PDGFRL: variants seen among roughly 807,000 people sequenced by gnomAD.
PDGFRL encodes platelet derived growth factor receptor like.
In PDGFRL, 46 loss-of-function variants were observed where a neutral mutation model predicts 37.2. The observed-to-expected ratio is 1.24, with a 90% CI of 0.98 to 1.58. PDGFRL has a LOEUF of 1.58. Ranked by LOEUF, PDGFRL falls within the 40% of genes most tolerant of loss-of-function variation. PDGFRL has a pLI of 0.00. For missense variants in PDGFRL, 692 were observed against 467.6 expected (o/e 1.48, Z -4.43); for synonymous variants, 251 against 184.3 (o/e 1.36, Z -2.93).
chr8:17,625,749 G>A (rs1274657562), intron 3 of PDGFRL, among the ~76,000 whole-genome samples: 1 of 152,188 alleles, frequency 6.6e-6, no homozygotes, highest in African/African-American at 2.4e-5. Context: ...AGCACTTTGG[G>A]AGGCCAAGGC....
intron 1 of PDGFRL, among the ~76,000 whole-genome samples, chr8:17,583,852 C>T (rs756189555): frequency 2.6e-5 from 4 of 152,184 alleles, no homozygotes; most frequent in South Asian, 4.1e-4. Flanking sequence ...TCTCCTTCAC[C>T]TGTGCCACCA....
At chr8:17,613,075 AATCTCTTGGGTCTCTCC>A (rs1804454830) in intron 2 of PDGFRL, among the ~76,000 whole-genome samples, 1 of 152,170 alleles carries the variant, frequency 6.6e-6, no homozygotes, top group Non-Finnish European at 1.5e-5. Context: ...GGTTTAGCTA[AATCTCTTGGGTCTCTCC>A]ATCTCTTAGA....
At chr8:17,611,083 G>A (rs1298055396) in intron 2 of PDGFRL, among the ~76,000 whole-genome samples, 1 of 152,200 alleles carries the variant, frequency 6.6e-6, no homozygotes, top group Non-Finnish European at 1.5e-5. Context: ...GGTACGCAGT[G>A]GGAGGCATGC....
chr8:17,606,809 A>T (rs901534390), intron 2 of PDGFRL, among the ~76,000 whole-genome samples: 2 of 151,842 alleles, frequency 1.3e-5, no homozygotes, highest in Non-Finnish European at 2.9e-5. Context: ...CCACCTAAAT[A>T]TCGGTGAGCT....
At chr8:17,584,940 C>G (rs888327500) in intron 1 of PDGFRL, among the ~76,000 whole-genome samples, 5 of 151,952 alleles carry the variant, frequency 3.3e-5, no homozygotes, top group Non-Finnish European at 7.4e-5. Context: ...CTTATACTTA[C>G]GGTTACTTCT....
At chr8:17,629,670 T>A (rs1183015711) in intron 4 of PDGFRL, among the ~76,000 whole-genome samples, 1 of 152,162 alleles carries the variant, frequency 6.6e-6, no homozygotes, top group Non-Finnish European at 1.5e-5. Context: ...AGGGTGACTT[T>A]GATATCGACT....
chr8:17,616,139 C>G (rs1804520378), intron 2 of PDGFRL, among the ~76,000 whole-genome samples: 1 of 151,876 alleles, frequency 6.6e-6, no homozygotes. Flanking sequence ...AGTAGGGTTC[C>G]AAAGTCCATG....
At position 17,642,631 on chromosome 8, in the gene PDGFRL, A is replaced by G; in HGVS notation, c.958A>G (p.Ile320Val). ...TAAACAGGATGAAAGGCCTGTGACG[A>G]TCCAAGACACTTGGAGGTTGATCCA... ...PGQKDERPVTIQDTWRLIHRG... is the reference protein window; with the variant it reads ...PGQKDERPVTVQDTWRLIHRG... The change falls in exon 6 of 6, where the codon ATC becomes GTC. Residue 320 changes from isoleucine to valine, a missense_variant. By Grantham distance (29) the Ile-to-Val change is conservative. Coordinates refer to ENST00000251630, the MANE Select transcript of PDGFRL (RefSeq NM_001372073.1). 6.2e-7 allele frequency: 1 copy of G among 1,608,704 alleles called. No homozygotes were observed. Among genetic ancestry groups the G allele is most frequent in the Non-Finnish European group, 8.5e-7 (1 of 1,175,070 alleles).
intron 1 of PDGFRL, among the ~76,000 whole-genome samples, chr8:17,581,383 G>T (rs535889055): frequency 4.7e-4 from 72 of 152,232 alleles, no homozygotes; most frequent in African/African-American, 1.7e-3. Flanking sequence ...GAAGATTTAG[G>T]GCTGGCTTCT....
At chr8:17,589,350 C>T (rs1169736992) in intron 1 of PDGFRL, 118 bp from the exon 2 acceptor site, 2 of 739,944 alleles carry the variant, frequency 2.7e-6, no homozygotes, top group East Asian at 4.9e-5. Context: ...TATGCCACTG[C>T]CCTCCAACCT....
At chr8:17,596,946 C>T (rs552936897) in intron 2 of PDGFRL, among the ~76,000 whole-genome samples, 2 of 152,196 alleles carry the variant, frequency 1.3e-5, no homozygotes, top group Non-Finnish European at 2.9e-5. Context: ...AGAATGAGTT[C>T]TTTCCAGGGC....
At chr8:17,622,009 G>A (rs748383229) in intron 3 of PDGFRL, among the ~76,000 whole-genome samples, 12 of 152,144 alleles carry the variant, frequency 7.9e-5, no homozygotes, top group Non-Finnish European at 1.5e-4. Flanking sequence ...CTGAGATTTC[G>A]GGGGCAAGAT....
chr8:17,593,977 G>T (rs75252444), intron 2 of PDGFRL, among the ~76,000 whole-genome samples: 11 of 152,140 alleles, frequency 7.2e-5, no homozygotes, highest in African/African-American at 2.7e-4. Flanking sequence ...TAGACCTCTA[G>T]ACCGTTTTCA....
At chr8:17,596,822 A>G (rs1804063065) in intron 2 of PDGFRL, among the ~76,000 whole-genome samples, 1 of 152,226 alleles carries the variant, frequency 6.6e-6, no homozygotes, top group Non-Finnish European at 1.5e-5. Flanking sequence ...TTTGCCCTCA[A>G]GGGGGCACGA....
intron 2 of PDGFRL, among the ~76,000 whole-genome samples, chr8:17,604,853 C>T (rs549697774): frequency 5.9e-5 from 9 of 152,290 alleles, no homozygotes; most frequent in Admixed American, 6.5e-5. Context: ...GTGGCTCACG[C>T]CTGTAATTCC....
At chr8:17,627,644 T>A (rs2517220) in intron 3 of PDGFRL, among the ~76,000 whole-genome samples, 20,995 of 145,100 alleles carry the variant, frequency 0.14, 1,654 homozygotes, top group Admixed American at 0.23. Flanking sequence ...TAATTTTTTT[T>A]TTTTTATTTT....
chr8:17,619,819 A>G (rs1399843738), intron 2 of PDGFRL, among the ~76,000 whole-genome samples: 2 of 152,204 alleles, frequency 1.3e-5, no homozygotes, highest in Non-Finnish European at 2.9e-5. Context: ...CTGCATAGCT[A>G]TTGCACCAAT....
intron 1 of PDGFRL, among the ~76,000 whole-genome samples, chr8:17,583,909 C>T (rs1803761461): frequency 6.6e-6 from 1 of 152,178 alleles, no homozygotes; most frequent in Non-Finnish European, 1.5e-5. Flanking sequence ...CTTGAATCTT[C>T]TGGCCAGCAG....
intron 2 of PDGFRL, among the ~76,000 whole-genome samples, chr8:17,599,654 C>T (rs1378359800): frequency 1.3e-5 from 2 of 152,214 alleles, no homozygotes; most frequent in African/African-American, 4.8e-5. Context: ...CTCACGTTTG[C>T]TTGGCAAAAT....
Sources: gnomAD v4.1 joint callset for allele counts (sites outside exome capture counted in the v4.1 genomes callset) on GRCh38, gnomAD v4.1.1 for gene constraint, MANE v1.5 for transcripts, NCBI Gene and HGNC (gene_info 2026-07-23, HGNC 2026-07-21) for gene names.